Variants in NKAIN2 observed in about 807,000 individuals in gnomAD.
NKAIN2 encodes sodium/potassium transporting ATPase interacting 2, also known as sodium/potassium-transporting ATPase subunit beta-1-interacting protein 2.
A neutral mutation model predicts 32.6 loss-of-function variants in NKAIN2; 14 were observed. That is an observed-to-expected ratio of 0.43 (90% CI 0.28 to 0.67). NKAIN2 has a LOEUF of 0.67. NKAIN2 is among the 30% of genes least tolerant of loss of function. NKAIN2 has a pLI of 0.17. For synonymous variants in NKAIN2, 80 were observed against 87.2 expected (o/e 0.92, Z 0.46); for missense variants, 198 against 258.3 (o/e 0.77, Z 1.60).
At position 124,407,765 on chromosome 6, in the gene NKAIN2, G is replaced by T. The variant is rs184018935; in HGVS notation, c.273+52418G>T. 7.9e-5 allele frequency among the ~76,000 whole-genome samples: 12 copies of T among 151,430 alleles called. No individual in the cohort carries two copies. In the East Asian group the frequency reaches 1.8e-3, roughly 22 times the overall value. On this transcript the variant is annotated intron_variant, in intron 3 of 6. Coordinates refer to ENST00000368417, the MANE Select transcript of NKAIN2 (RefSeq NM_001040214.3). ...TTCTAGTTCTAGATCCCTGAGGAAT[G>T]GCCACACTGACTTCCACAATGGTTG...
chr6:124,701,129 GGAGA>G (rs1774760124), intron 4 of NKAIN2, among the ~76,000 whole-genome samples: 2 of 122,802 alleles, frequency 1.6e-5, no homozygotes, highest in South Asian at 2.7e-4. Context: ...ATAAAACTAA[GGAGA>G]GAGATACACA....
chr6:124,806,612 T>C (rs1287398400), intron 5 of NKAIN2, among the ~76,000 whole-genome samples: 1 of 151,582 alleles, frequency 6.6e-6, no homozygotes, highest in Non-Finnish European at 1.5e-5. Flanking sequence ...AACATCATAA[T>C]GACAGGTTCA....
intron 1 of NKAIN2, among the ~76,000 whole-genome samples, chr6:124,039,055 C>T (rs1035801304): frequency 3.3e-5 from 5 of 152,032 alleles, no homozygotes; most frequent in Admixed American, 3.3e-4. Flanking sequence ...AAAGGACATT[C>T]TTACATAGGA....
intron 3 of NKAIN2, among the ~76,000 whole-genome samples, chr6:124,392,775 A>G (rs561251055): frequency 1.4e-3 from 208 of 152,312 alleles, no homozygotes; most frequent in Non-Finnish European, 2.4e-3. Flanking sequence ...CCAGAAATAT[A>G]AATTTTATAA....
chr6:124,274,285 A>G (rs1794930018), intron 1 of NKAIN2, among the ~76,000 whole-genome samples: 1 of 152,206 alleles, frequency 6.6e-6, no homozygotes, highest in Non-Finnish European at 1.5e-5. Flanking sequence ...ATAGAGTAAT[A>G]GTAATAATCA....
At chr6:124,300,941 TA>T (rs1172489831) in intron 2 of NKAIN2, among the ~76,000 whole-genome samples, 1 of 152,198 alleles carries the variant, frequency 6.6e-6, no homozygotes, top group Non-Finnish European at 1.5e-5. Flanking sequence ...TTTCTGGGTA[TA>T]AATTCAAGCC....
intron 4 of NKAIN2, among the ~76,000 whole-genome samples, chr6:124,703,767 G>C (rs1278877831): frequency 6.6e-6 from 1 of 151,942 alleles, no homozygotes; most frequent in African/African-American, 2.4e-5. Flanking sequence ...ACAAGTGTGA[G>C]ACATAATTGA....
At chr6:124,430,680 A>C (rs1775179571) in intron 3 of NKAIN2, among the ~76,000 whole-genome samples, 1 of 151,744 alleles carries the variant, frequency 6.6e-6, no homozygotes, top group South Asian at 2.1e-4. Flanking sequence ...AAAAAAAAAA[A>C]ATGGTGGAAA....
intron 1 of NKAIN2, among the ~76,000 whole-genome samples, chr6:124,165,013 G>A (rs1788463725): frequency 1.3e-5 from 2 of 151,894 alleles, no homozygotes; most frequent in South Asian, 2.1e-4. Context: ...ATCTTGTAGG[G>A]TTTTAGAAAT....
intron 1 of NKAIN2, among the ~76,000 whole-genome samples, chr6:124,077,524 C>A (rs566281549): frequency 6.6e-6 from 1 of 152,260 alleles, no homozygotes; most frequent in African/African-American, 2.4e-5. Context: ...AATTACTGAT[C>A]CCTGGGTTTA....
chr6:124,175,938 AT>A, intron 1 of NKAIN2, among the ~76,000 whole-genome samples: 1 of 152,020 alleles, frequency 6.6e-6, no homozygotes, highest in South Asian at 2.1e-4. Flanking sequence ...TGCTTTTTAC[AT>A]TTTTTTAAGT....
intron 1 of NKAIN2, among the ~76,000 whole-genome samples, chr6:124,141,826 C>T (rs1328491340): frequency 1.3e-5 from 2 of 152,150 alleles, no homozygotes; most frequent in Non-Finnish European, 2.9e-5. Flanking sequence ...ACCATGTCTT[C>T]TTGAACCCAA....
chr6:124,744,187 G>A (rs1223896554), intron 4 of NKAIN2, among the ~76,000 whole-genome samples: 1 of 151,820 alleles, frequency 6.6e-6, no homozygotes, highest in East Asian at 1.9e-4. Context: ...CCTCACAACT[G>A]CAAAGATAAA....
At chr6:123,974,450 C>G (rs1400018638) in intron 1 of NKAIN2, among the ~76,000 whole-genome samples, 3 of 152,102 alleles carry the variant, frequency 2.0e-5, no homozygotes, top group African/African-American at 7.2e-5. Context: ...CACGGTTCTT[C>G]TAAGCATCCT....
chr6:124,064,723 G>A (rs535852886), intron 1 of NKAIN2, among the ~76,000 whole-genome samples: 2 of 148,666 alleles, frequency 1.3e-5, no homozygotes, highest in Non-Finnish European at 3.0e-5. Context: ...TGTCGTTTTT[G>A]TTTTAACTAT....
At chr6:123,864,311 C>T (rs1227391389) in intron 1 of NKAIN2, among the ~76,000 whole-genome samples, 2 of 152,184 alleles carry the variant, frequency 1.3e-5, no homozygotes, top group Admixed American at 6.5e-5. Context: ...ATGATCTCGA[C>T]TCCTCTGTTT....
At chr6:124,344,019 G>A (rs1798276410) in intron 2 of NKAIN2, among the ~76,000 whole-genome samples, 1 of 152,080 alleles carries the variant, frequency 6.6e-6, no homozygotes, top group Non-Finnish European at 1.5e-5. Flanking sequence ...TAAGGTATAA[G>A]GAAGGCATCC....
At chr6:124,254,615 G>A (rs776746032) in intron 1 of NKAIN2, among the ~76,000 whole-genome samples, 5 of 151,932 alleles carry the variant, frequency 3.3e-5, no homozygotes, top group African/African-American at 7.3e-5. Flanking sequence ...TAATGATTTC[G>A]AATATGAAGA....
chr6:124,449,453 A>T (rs931294366), intron 3 of NKAIN2, among the ~76,000 whole-genome samples: 1 of 152,120 alleles, frequency 6.6e-6, no homozygotes, highest in Non-Finnish European at 1.5e-5. Context: ...ACCATGCAGT[A>T]TTCCTACACA....
Sources: gnomAD v4.1 joint callset for allele counts (sites outside exome capture counted in the v4.1 genomes callset) on GRCh38, gnomAD v4.1.1 for gene constraint, MANE v1.5 for transcripts, NCBI Gene and HGNC (gene_info 2026-07-23, HGNC 2026-07-21) for gene names.